SAMD12: variants seen among roughly 807,000 people sequenced by gnomAD.
SAMD12 encodes the protein sterile alpha motif domain containing 12.
Under a neutral mutation model 15.0 loss-of-function variants are expected in SAMD12, and 9 were observed. That is an observed-to-expected ratio of 0.60 (90% CI 0.36 to 1.05). The LOEUF is 1.05. SAMD12 is among the 50% of genes least tolerant of loss of function. SAMD12 has a pLI of 0.01. For missense variants in SAMD12, 230 were observed against 234.2 expected (o/e 0.98, Z 0.12); for synonymous variants, 86 against 90.1 (o/e 0.96, Z 0.25).
chr8:118,155,363 G>T, the SAMD12 span, among the ~76,000 whole-genome samples: 39,555 of 151,466 alleles, frequency 0.26, 5,279 homozygotes, highest in Admixed American at 0.31. Context: ...CAGTGTTTTT[G>T]GGGGGGTGGG....
At chr8:118,569,019 CTAAGA>C (rs1180059470) in intron 2 of SAMD12, among the ~76,000 whole-genome samples, 3 of 152,074 alleles carry the variant, frequency 2.0e-5, no homozygotes, top group African/African-American at 4.8e-5. Context: ...TTCTTGTATA[CTAAGA>C]TATTTGTTTT....
chr8:118,372,904 A>G (rs1231368739), intron 4 of SAMD12, among the ~76,000 whole-genome samples: 1 of 152,154 alleles, frequency 6.6e-6, no homozygotes, highest in Non-Finnish European at 1.5e-5. Flanking sequence ...CCAGAAGTCA[A>G]AGAAGTCAGA....
intron 2 of SAMD12, among the ~76,000 whole-genome samples, chr8:118,508,123 A>G (rs1824973712): frequency 6.8e-6 from 1 of 147,402 alleles, no homozygotes; most frequent in Non-Finnish European, 1.5e-5. Flanking sequence ...CCTCATGAGT[A>G]GCTGGGACTA....
At chr8:118,501,892 C>T (rs984210249) in intron 2 of SAMD12, among the ~76,000 whole-genome samples, 1 of 152,120 alleles carries the variant, frequency 6.6e-6, no homozygotes, top group African/African-American at 2.4e-5. Context: ...TGGCAGGCGC[C>T]TGTAGTCCCA....
chr8:118,427,065 C>T (rs906262374), intron 3 of SAMD12, among the ~76,000 whole-genome samples: 2 of 152,172 alleles, frequency 1.3e-5, no homozygotes, highest in African/African-American at 2.4e-5. Context: ...CAGGCAACAC[C>T]GTGCCTTTCT....
At position 118,229,507 on chromosome 8, in the gene SAMD12, C is replaced by T. The variant is rs115006999; in HGVS notation, c.434-31775G>A. Reference sequence around the variant, plus strand: ...ATGCGCACTTTGTTTTACGTTTAGCCTTCTCTCCTTCTCCTTTCTAACTTC... The same window carrying T: ...ATGCGCACTTTGTTTTACGTTTAGCTTTCTCTCCTTCTCCTTTCTAACTTC... On this transcript the variant is annotated intron_variant, in intron 4 of 4. Transcript: ENST00000409003. Among the ~76,000 whole-genome samples the T allele has an allele frequency of 2.0e-3, 309 of 152,158 alleles. 2 individuals carry two copies. The highest frequency in any genetic ancestry group is 7.2e-3 in the African/African-American group (299 of 41,522).
intron 4 of SAMD12, among the ~76,000 whole-genome samples, chr8:118,278,928 T>C (rs1411136291): frequency 3.3e-5 from 5 of 152,190 alleles, no homozygotes; most frequent in Admixed American, 3.3e-4. Flanking sequence ...AGGCTCTAAA[T>C]CCTTCTTTGT....
intron 2 of SAMD12, among the ~76,000 whole-genome samples, chr8:118,473,055 T>G (rs1427778486): frequency 2.0e-5 from 3 of 152,138 alleles, no homozygotes; most frequent in Non-Finnish European, 4.4e-5. Context: ...GTCAACCAAT[T>G]GGAAGCACTG....
At chr8:118,596,641 C>T (rs926146922) in intron 1 of SAMD12, among the ~76,000 whole-genome samples, 3 of 152,096 alleles carry the variant, frequency 2.0e-5, no homozygotes, top group Non-Finnish European at 4.4e-5. Context: ...AAACTCCATG[C>T]TCTCCCTCCC....
intron 2 of SAMD12, among the ~76,000 whole-genome samples, chr8:118,571,514 C>A (rs1175421653): frequency 6.6e-6 from 1 of 152,168 alleles, no homozygotes; most frequent in African/African-American, 2.4e-5. Context: ...AGCAGCCCCT[C>A]CCATCACAGG....
At chr8:118,234,898 A>C (rs1433541904) in intron 4 of SAMD12, among the ~76,000 whole-genome samples, 1 of 152,112 alleles carries the variant, frequency 6.6e-6, no homozygotes, top group African/African-American at 2.4e-5. Flanking sequence ...TTGGATTTCT[A>C]AATATTTTTA....
At chr8:118,308,430 A>G (rs1455201053) in intron 4 of SAMD12, among the ~76,000 whole-genome samples, 4 of 152,186 alleles carry the variant, frequency 2.6e-5, no homozygotes, top group African/African-American at 4.8e-5. Flanking sequence ...CAACTACCCT[A>G]TGCATTAGGC....
chr8:118,620,863 T>C (rs1252710063), intron 1 of SAMD12: 3 of 152,232 alleles, frequency 2.0e-5, no homozygotes, highest in African/African-American at 7.2e-5. Flanking sequence ...GAAACCAAAA[T>C]TCTGCAGGTG....
At chr8:118,235,126 A>T (rs1812398731) in intron 4 of SAMD12, among the ~76,000 whole-genome samples, 1 of 152,136 alleles carries the variant, frequency 6.6e-6, no homozygotes, top group African/African-American at 2.4e-5. Context: ...GTAAACCTCA[A>T]ACCTCAAATT....
intron 1 of SAMD12, among the ~76,000 whole-genome samples, chr8:118,605,453 T>C (rs1293055300): frequency 1.3e-5 from 2 of 152,218 alleles, no homozygotes; most frequent in African/African-American, 4.8e-5. Flanking sequence ...ATGTTAATAA[T>C]CCTTGGGGTA....
intron 3 of SAMD12, among the ~76,000 whole-genome samples, chr8:118,416,759 T>C (rs1441565136): frequency 6.6e-6 from 1 of 152,226 alleles, no homozygotes; most frequent in African/African-American, 2.4e-5. Flanking sequence ...TCCAACTCTC[T>C]TCTTCCACCC....
intron 2 of SAMD12, among the ~76,000 whole-genome samples, chr8:118,554,675 A>G (rs1826468528): frequency 6.6e-6 from 1 of 152,076 alleles, no homozygotes. Context: ...TTAAAGTATA[A>G]TAATAATAAA....
At chr8:118,512,965 A>G (rs1049824415) in intron 2 of SAMD12, among the ~76,000 whole-genome samples, 2 of 152,156 alleles carry the variant, frequency 1.3e-5, no homozygotes, top group African/African-American at 4.8e-5. Context: ...CACTACTGAG[A>G]GCCATACAAA....
At chr8:118,209,439 G>T (rs1417011966) in intron 4 of SAMD12, among the ~76,000 whole-genome samples, 1 of 152,208 alleles carries the variant, frequency 6.6e-6, no homozygotes, top group Non-Finnish European at 1.5e-5. Context: ...ATGTCTTAAT[G>T]ATAACAGATA....
Sources: gnomAD v4.1 joint callset for allele counts (sites outside exome capture counted in the v4.1 genomes callset) on GRCh38, gnomAD v4.1.1 for gene constraint, MANE v1.5 for transcripts, NCBI Gene and HGNC (gene_info 2026-07-23, HGNC 2026-07-21) for gene names.